BTBD9: variants seen among roughly 807,000 people sequenced by gnomAD.
BTBD9 encodes BTB/POZ domain-containing protein 9.
BTBD9 carries 49 observed loss-of-function variants against 64.3 expected under a neutral mutation model. The observed-to-expected ratio is 0.76, with a 90% CI of 0.61 to 0.97. BTBD9 has a LOEUF of 0.97. BTBD9 is among the 50% of genes least tolerant of loss of function. The pLI, the probability that BTBD9 is intolerant of heterozygous loss-of-function variation, is 0.00. For missense variants in BTBD9, 598 were observed against 762.1 expected (o/e 0.78, Z 2.53); for synonymous variants, 260 against 274.7 (o/e 0.95, Z 0.53).
At chr6:38,543,911 C>G (rs1211723068) in intron 6 of BTBD9, among the ~76,000 whole-genome samples, 3 of 150,442 alleles carry the variant, frequency 2.0e-5, no homozygotes, top group African/African-American at 4.9e-5. Flanking sequence ...GAGCCGAGAT[C>G]GCGCCACTGC....
chr6:38,601,131 C>T (rs917834551), intron 1 of BTBD9, among the ~76,000 whole-genome samples: 1 of 152,126 alleles, frequency 6.6e-6, no homozygotes, highest in Non-Finnish European at 1.5e-5. Flanking sequence ...GCATTGGAAT[C>T]ACCATTCTGA....
intron 2 of BTBD9, among the ~76,000 whole-genome samples, chr6:38,597,600 C>A (rs891686799): frequency 6.6e-6 from 1 of 152,176 alleles, no homozygotes; most frequent in African/African-American, 2.4e-5. Flanking sequence ...CATTAGCCAT[C>A]TACTGGGAGG....
At chr6:38,465,383 C>T (rs886350228) in intron 6 of BTBD9, among the ~76,000 whole-genome samples, 5 of 148,210 alleles carry the variant, frequency 3.4e-5, no homozygotes, top group Admixed American at 2.1e-4. Context: ...TTTGGGAGGC[C>T]GAGGCAGGCA....
At chr6:38,516,165 A>C (rs1773013551) in intron 6 of BTBD9, among the ~76,000 whole-genome samples, 1 of 152,192 alleles carries the variant, frequency 6.6e-6, no homozygotes, top group Non-Finnish European at 1.5e-5. Context: ...GGAAACAAGT[A>C]ACCAAGGTAA....
intron 10 of BTBD9, among the ~76,000 whole-genome samples, chr6:38,175,695 T>C (rs1391328718): frequency 1.3e-5 from 2 of 152,198 alleles, no homozygotes; most frequent in African/African-American, 2.4e-5. Context: ...AGCTGTGCAC[T>C]TGAGGTTCAT....
At chr6:38,459,245 C>T (rs573319655) in intron 6 of BTBD9, among the ~76,000 whole-genome samples, 1 of 152,266 alleles carries the variant, frequency 6.6e-6, no homozygotes. Context: ...TCTCGAACTC[C>T]TGACCTCAGG....
chr6:38,560,705 C>T (rs1349214545), intron 6 of BTBD9, among the ~76,000 whole-genome samples: 1 of 152,086 alleles, frequency 6.6e-6, no homozygotes, highest in Non-Finnish European at 1.5e-5. Flanking sequence ...TACCCAATAG[C>T]TATTTTTCTG....
At chr6:38,307,938 A>G (rs942888013) in intron 7 of BTBD9, among the ~76,000 whole-genome samples, 1 of 152,234 alleles carries the variant, frequency 6.6e-6, no homozygotes, top group Admixed American at 6.5e-5. Context: ...CCCCAGGGAC[A>G]GAAGTGAGGT....
At chr6:38,391,492 A>G (rs1287005964) in intron 6 of BTBD9, among the ~76,000 whole-genome samples, 1 of 152,246 alleles carries the variant, frequency 6.6e-6, no homozygotes, top group African/African-American at 2.4e-5. Context: ...ATCTTCTTAC[A>G]TCTAAGAACT....
chr6:38,373,000 G>A lies in BTBD9; in HGVS notation c.1155-27907C>T, dbSNP rs566303003. Reference sequence around the variant, plus strand: ...TCCTTTTTTATGGGGGAGGAAGAGAGTGAGGTCCTTTTATTGGTTTTTCTG... The same window carrying A: ...TCCTTTTTTATGGGGGAGGAAGAGAATGAGGTCCTTTTATTGGTTTTTCTG... On this transcript the variant is annotated intron_variant, in intron 6 of 10. Coordinates refer to ENST00000481247, the MANE Select transcript of BTBD9 (RefSeq NM_001099272.2). Among the ~76,000 whole-genome samples, 4 of 152,310 alleles carry A rather than the reference G, an allele frequency of 2.6e-5. No individual in the cohort carries two copies. The South Asian group carries it at 8.3e-4, about 32-fold the overall frequency.
chr6:38,516,349 A>G (rs1287286502), intron 6 of BTBD9, among the ~76,000 whole-genome samples: 1 of 152,242 alleles, frequency 6.6e-6, no homozygotes, highest in Non-Finnish European at 1.5e-5. Context: ...AAACACCTAT[A>G]GAGCTACTGT....
chr6:38,383,808 T>C (rs1035696533), intron 6 of BTBD9, among the ~76,000 whole-genome samples: 4 of 152,200 alleles, frequency 2.6e-5, no homozygotes, highest in Non-Finnish European at 2.9e-5. Flanking sequence ...ATAGATTGAA[T>C]GTTTGCGTCC....
At chr6:38,230,905 C>A (rs1763583851) in intron 9 of BTBD9, among the ~76,000 whole-genome samples, 1 of 152,176 alleles carries the variant, frequency 6.6e-6, no homozygotes, top group African/African-American at 2.4e-5. Context: ...ATTACCTCTC[C>A]ATTTCATTTT....
intron 9 of BTBD9, among the ~76,000 whole-genome samples, chr6:38,213,981 G>C (rs1022510078): frequency 1.0e-4 from 15 of 149,118 alleles, no homozygotes; most frequent in African/African-American, 3.7e-4. Flanking sequence ...GGGTGACAGA[G>C]CGAGACTCCA....
chr6:38,638,978 A>T (rs1004580273), intron 1 of BTBD9, among the ~76,000 whole-genome samples: 1 of 152,148 alleles, frequency 6.6e-6, no homozygotes, highest in African/African-American at 2.4e-5. Context: ...TTCCGCCCAC[A>T]CAGTGAACAG....
At chr6:38,553,835 A>G (rs1774910852) in intron 6 of BTBD9, among the ~76,000 whole-genome samples, 1 of 152,026 alleles carries the variant, frequency 6.6e-6, no homozygotes, top group Non-Finnish European at 1.5e-5. Flanking sequence ...TCTGGGTGAC[A>G]GAGCGAAACC....
intron 6 of BTBD9, among the ~76,000 whole-genome samples, chr6:38,435,297 G>A (rs7765083): frequency 0.013 from 1,936 of 151,280 alleles, 73 homozygotes; most frequent in African/African-American, 0.045. Context: ...GGTTTATGGC[G>A]CAAGACCAGA....
intron 10 of BTBD9, among the ~76,000 whole-genome samples, chr6:38,175,755 G>A (rs933778440): frequency 6.6e-6 from 1 of 152,160 alleles, no homozygotes; most frequent in Non-Finnish European, 1.5e-5. Flanking sequence ...GTGTGTGAGC[G>A]TGCCCTGCAA....
intron 9 of BTBD9, among the ~76,000 whole-genome samples, chr6:38,222,450 G>A (rs550350937): frequency 6.8e-4 from 103 of 151,720 alleles, no homozygotes; most frequent in African/African-American, 2.2e-3. Flanking sequence ...TAGTAGAGAC[G>A]GGGTTTCACC....
Sources: allele counts gnomAD v4.1 joint callset (sites outside exome capture counted in the v4.1 genomes callset), GRCh38; gene constraint gnomAD v4.1.1; transcripts MANE v1.5; gene names NCBI Gene and HGNC (gene_info 2026-07-23, HGNC 2026-07-21).